The following PDZRN3 variants were observed in gnomAD, a reference collection of about 807,000 sequenced individuals.
PDZRN3 encodes the protein PDZ domain containing ring finger 3.
In PDZRN3, 38 loss-of-function variants were observed where a neutral mutation model predicts 85.7. The ratio of observed to expected loss-of-function variants is 0.44; its 90% CI spans 0.34 to 0.58. The LOEUF (loss-of-function observed/expected upper bound fraction) is 0.58. Among genes scored for constraint, PDZRN3 ranks in the 20% least tolerant of loss-of-function variants. PDZRN3 has a pLI of 0.01. For missense variants in PDZRN3, 1,629 were observed against 1,506.4 expected (o/e 1.08, Z -1.35); for synonymous variants, 759 against 638.0 (o/e 1.19, Z -2.86).
At chr3:73,539,003 A>G (rs1389879849) in intron 3 of PDZRN3, among the ~76,000 whole-genome samples, 1 of 152,178 alleles carries the variant, frequency 6.6e-6, no homozygotes. Flanking sequence ...AATTTTACAA[A>G]TTAGTCTCCT....
At chr3:73,493,363 C>T (rs921965206) in intron 3 of PDZRN3, among the ~76,000 whole-genome samples, 1 of 152,168 alleles carries the variant, frequency 6.6e-6, no homozygotes, top group Non-Finnish European at 1.5e-5. Flanking sequence ...ACACAATACA[C>T]ATGACCTCAC....
Position 73,572,864 on chromosome 3 carries a change from T to C in PDZRN3, c.918+29490A>G, listed in dbSNP as rs149909059. Among the ~76,000 whole-genome samples the C allele has an allele frequency of 5.2e-3, 787 of 152,300 alleles. 5 individuals carry two copies. Among genetic ancestry groups the C allele is most frequent in the Non-Finnish European group, 7.8e-3 (533 of 68,018 alleles). ...TATCATTTGGATTTCAATGATTTAA[T>C]GGGAAACTTGGAAAAAATTGTTGGA... is the stretch of plus-strand genomic sequence containing the variant. On this transcript the variant is annotated intron_variant, in intron 3 of 9. Transcript: ENST00000263666.
Position 73,430,745 on chromosome 3 carries a change from C to T in PDZRN3, c.919-26350G>A, listed in dbSNP as rs139475286. Among the ~76,000 whole-genome samples the T allele has an allele frequency of 2.1e-3, 319 of 152,302 alleles. 3 individuals are homozygous for T. Among genetic ancestry groups the T allele is most frequent in the African/African-American group, 7.3e-3 (304 of 41,544 alleles). Reference sequence around the variant, plus strand: ...CCCTTAGCTGGATTCCAGCCACAGCCCAAGAGCTGTGAGGCTCCCTATCCC... The same window carrying T: ...CCCTTAGCTGGATTCCAGCCACAGCTCAAGAGCTGTGAGGCTCCCTATCCC... On this transcript the variant is annotated intron_variant, in intron 3 of 9. Coordinates refer to ENST00000263666, the MANE Select transcript of PDZRN3 (RefSeq NM_015009.3).
At chr3:73,489,570 C>CTTTCCTTTTTT (rs1703729651) in intron 3 of PDZRN3, among the ~76,000 whole-genome samples, 1 of 17,184 alleles carries the variant, frequency 5.8e-5, no homozygotes, top group Non-Finnish European at 1.3e-4. Flanking sequence ...TGGGCAGTTT[C>CTTTCCTTTTTT]TTTTCTTTTT....
intron 3 of PDZRN3, among the ~76,000 whole-genome samples, chr3:73,485,248 G>T (rs1703641995): frequency 6.6e-6 from 1 of 151,276 alleles, no homozygotes. Flanking sequence ...CTGACATACA[G>T]ATTCAGCACT....
intron 3 of PDZRN3, among the ~76,000 whole-genome samples, chr3:73,524,837 A>T (rs1053132824): frequency 6.6e-6 from 1 of 151,564 alleles, no homozygotes; most frequent in Non-Finnish European, 1.5e-5. Flanking sequence ...GTGTCTCAGG[A>T]GGTGAAACAT....
intron 3 of PDZRN3, among the ~76,000 whole-genome samples, chr3:73,491,593 C>CTTTTTT (rs1429977645): frequency 7.5e-6 from 1 of 132,832 alleles, no homozygotes; most frequent in Non-Finnish European, 1.6e-5. Context: ...TGGAAGGTTC[C>CTTTTTT]TTTTTTTTTT....
intron 1 of PDZRN3, among the ~76,000 whole-genome samples, chr3:73,612,205 T>A (rs531563528): frequency 6.6e-6 from 1 of 152,310 alleles, no homozygotes; most frequent in Admixed American, 6.5e-5. Context: ...ATTGTATCAA[T>A]GCTCTAAACC....
chr3:73,611,380 T>C (rs1702682668), intron 1 of PDZRN3, among the ~76,000 whole-genome samples: 2 of 152,204 alleles, frequency 1.3e-5, no homozygotes, highest in South Asian at 4.1e-4. Flanking sequence ...AATACAACAT[T>C]CCTCAACCAA....
chr3:73,459,756 G>T (rs1171587465), intron 3 of PDZRN3, among the ~76,000 whole-genome samples: 1 of 152,172 alleles, frequency 6.6e-6, no homozygotes, highest in Non-Finnish European at 1.5e-5. Flanking sequence ...ATCTGTCATT[G>T]ATGGGCATTT....
rs1012478179 is a variant in PDZRN3, at chr3:73,442,100, T to C, written c.919-37705A>G. ...TGGTGGGCATTGTGGCTCTGTGATC[T>C]GGGCCAGGCTCCCAGCCACCCTGGG... On this transcript the variant is annotated intron_variant, in intron 3 of 9. Transcript: ENST00000263666. Among the ~76,000 whole-genome samples, 48 of 152,178 alleles carry C rather than the reference T, an allele frequency of 3.2e-4. 3 individuals carry two copies. Among genetic ancestry groups the C allele is most frequent in the Non-Finnish European group, 2.9e-5 (2 of 68,026 alleles).
intron 1 of PDZRN3, among the ~76,000 whole-genome samples, chr3:73,609,695 A>G (rs1343060551): frequency 1.3e-5 from 2 of 152,346 alleles, no homozygotes; most frequent in South Asian, 2.1e-4. Context: ...TGTTTTAAAC[A>G]TAACACTGAC....
intron 3 of PDZRN3, among the ~76,000 whole-genome samples, chr3:73,492,674 T>C (rs1347994192): frequency 1.3e-5 from 2 of 152,288 alleles, no homozygotes; most frequent in East Asian, 1.9e-4. Context: ...GCACTGGCAT[T>C]TGGACAGCTA....
chr3:73,433,928 GCACA>G (rs147307503), intron 3 of PDZRN3: 2 of 1,400,058 alleles, frequency 1.4e-6, no homozygotes, highest in Non-Finnish European at 1.9e-6. Context: ...GCACGCGCGT[GCACA>G]CACACACACA....
intron 3 of PDZRN3, among the ~76,000 whole-genome samples, chr3:73,462,093 T>C (rs1177966140): frequency 6.6e-6 from 1 of 152,230 alleles, no homozygotes; most frequent in Non-Finnish European, 1.5e-5. Flanking sequence ...ATGTGTTCTT[T>C]CAATTATATG....
intron 3 of PDZRN3, among the ~76,000 whole-genome samples, chr3:73,487,122 A>T (rs1329153530): frequency 6.6e-6 from 1 of 152,204 alleles, no homozygotes; most frequent in Non-Finnish European, 1.5e-5. Flanking sequence ...ATTGACTTTT[A>T]ATAGGGGCAT....
chr3:73,384,602 T>C lies in PDZRN3; in HGVS notation c.1964A>G (p.Gln655Arg), dbSNP rs1176423534. ...GCCGTAAGGGGTGGCGCTCTTCACC[T>C]GGCACTTGAGCTCCAGGAGCTCGCG... Reference protein sequence around the residue: ...RFRELLELKCQVKSATPYGLY... With the variant: ...RFRELLELKCRVKSATPYGLY... Residue 655 changes from glutamine (Q) to arginine (R), a missense_variant, in exon 10 of 10, where the codon CAG becomes CGG. Coordinates refer to ENST00000263666, the MANE Select transcript of PDZRN3 (RefSeq NM_015009.3). The C allele has an allele frequency of 1.2e-6, 2 of 1,613,838 alleles. No individual in the cohort carries two copies. The highest frequency in any genetic ancestry group is 3.3e-5 in the Admixed American group (2 of 60,026).
At chr3:73,480,871 A>G (rs1166060291) in intron 3 of PDZRN3, among the ~76,000 whole-genome samples, 1 of 152,208 alleles carries the variant, frequency 6.6e-6, no homozygotes, top group Non-Finnish European at 1.5e-5. Context: ...AACATGTTCC[A>G]TAACATTTTC....
intron 3 of PDZRN3, among the ~76,000 whole-genome samples, chr3:73,534,977 G>A (rs530323330): frequency 6.6e-6 from 1 of 152,032 alleles, no homozygotes; most frequent in South Asian, 2.1e-4. Flanking sequence ...ATACTTCCCT[G>A]CCCTGGTGAT....
Sources: allele counts gnomAD v4.1 joint callset (sites outside exome capture counted in the v4.1 genomes callset), GRCh38; gene constraint gnomAD v4.1.1; transcripts MANE v1.5; gene names NCBI Gene and HGNC (gene_info 2026-07-23, HGNC 2026-07-21).